The following SND1 variants were observed in gnomAD, a reference collection of about 807,000 sequenced individuals.
SND1 encodes the protein staphylococcal nuclease domain-containing protein 1.
A neutral mutation model predicts 121.7 loss-of-function variants in SND1; 38 were observed. The ratio of observed to expected loss-of-function variants is 0.31; its 90% CI spans 0.24 to 0.41. SND1 has a LOEUF of 0.41. Ranked by LOEUF, SND1 falls within the 10% of genes least tolerant of loss-of-function variation. The pLI, the probability that SND1 is intolerant of heterozygous loss-of-function variation, is 1.00. For synonymous variants in SND1, 401 were observed against 447.4 expected (o/e 0.90, Z 1.31); for missense variants, 868 against 1,184.6 (o/e 0.73, Z 3.92).
intron 15 of SND1, among the ~76,000 whole-genome samples, chr7:127,940,178 C>T (rs1801162729): frequency 6.6e-6 from 1 of 152,120 alleles, no homozygotes; most frequent in Non-Finnish European, 1.5e-5. Context: ...GGGAAACTTC[C>T]AGAAATCTGA....
intron 13 of SND1, among the ~76,000 whole-genome samples, chr7:127,899,644 G>A (rs1800187746): frequency 6.6e-6 from 1 of 152,180 alleles, no homozygotes; most frequent in African/African-American, 2.4e-5. Flanking sequence ...GGTTGTCTTT[G>A]TTTGGAGTAT....
At chr7:127,767,494 C>G (rs1797443216) in intron 10 of SND1, among the ~76,000 whole-genome samples, 1 of 152,134 alleles carries the variant, frequency 6.6e-6, no homozygotes, top group Non-Finnish European at 1.5e-5. Flanking sequence ...TTAAAAGGCT[C>G]CAGCAGGGAG....
chr7:127,882,364 C>CAGGCAGGAAGGG (rs1214478369), intron 12 of SND1, among the ~76,000 whole-genome samples: 2 of 124,858 alleles, frequency 1.6e-5, no homozygotes, highest in Non-Finnish European at 3.3e-5. Context: ...GGAAGGAAGG[C>CAGGCAGGAAGGG]AGGCAGGAAG....
chr7:127,905,100 T>C (rs1264263293), intron 14 of SND1, among the ~76,000 whole-genome samples: 3 of 152,238 alleles, frequency 2.0e-5, no homozygotes, highest in South Asian at 2.1e-4. Context: ...AAGGTAGTTC[T>C]TCTTGGTTGT....
At position 127,698,928 on chromosome 7, in the gene SND1, C is replaced by T. The variant is rs1476510009; in HGVS notation, c.403C>T (p.Arg135Trp). ...ESLVAEGLAT[R>W]REGMRANNPE... ...ACTGGTTGCAGAGGGCTTAGCCACC[C>T]GGAGAGAAGGCATGAGAGCTAATAA... Residue 135 changes from arginine (R) to tryptophan (W), a missense_variant, in exon 4 of 24, where the codon CGG (arginine) becomes TGG (tryptophan). Arg to Trp is a moderately radical substitution (Grantham distance 101). Transcript: ENST00000354725. 3 of 1,613,398 alleles carry T rather than the reference C, an allele frequency of 1.9e-6. No individual in the cohort carries two copies. The highest frequency in any genetic ancestry group is 2.7e-5 in the African/African-American group (2 of 74,860).
At chr7:128,089,776 A>C in intron 22 of SND1, 84 bp downstream of exon 22, 1 of 1,246,954 alleles carries the variant, frequency 8.0e-7, no homozygotes, top group Non-Finnish European at 1.2e-6. Flanking sequence ...GGAAGGGAGC[A>C]GGGAATCCAC....
intron 10 of SND1, among the ~76,000 whole-genome samples, chr7:127,722,307 CTT>C (rs34026000): frequency 1.1e-4 from 15 of 139,270 alleles, no homozygotes; most frequent in African/African-American, 1.1e-4. Context: ...CTACTGCCTG[CTT>C]TTTTTTTTTT....
chr7:128,049,377 T>A (rs1483947332), intron 16 of SND1, among the ~76,000 whole-genome samples: 2 of 152,156 alleles, frequency 1.3e-5, no homozygotes, highest in East Asian at 3.8e-4. Context: ...CTCTCTTAAC[T>A]GCTCTTTCCC....
chr7:127,961,515 G>A (rs1284635759), intron 15 of SND1, among the ~76,000 whole-genome samples: 1 of 152,204 alleles, frequency 6.6e-6, no homozygotes, highest in Non-Finnish European at 1.5e-5. Context: ...AAAAACACGT[G>A]CAAAAGCACT....
intron 9 of SND1, among the ~76,000 whole-genome samples, chr7:127,720,960 A>G (rs1796484570): frequency 6.6e-6 from 1 of 152,132 alleles, no homozygotes; most frequent in Non-Finnish European, 1.5e-5. Flanking sequence ...TTCAAGGAAA[A>G]TCTTCAATTA....
At chr7:127,802,180 A>G (rs756844143) in intron 10 of SND1, among the ~76,000 whole-genome samples, 20 of 152,156 alleles carry the variant, frequency 1.3e-4, no homozygotes, top group Non-Finnish European at 1.9e-4. Context: ...TTCAACTACT[A>G]ATTGCCTACT....
At chr7:127,775,488 A>G (rs754945955) in intron 10 of SND1, among the ~76,000 whole-genome samples, 7 of 152,186 alleles carry the variant, frequency 4.6e-5, no homozygotes, top group Non-Finnish European at 1.0e-4. Context: ...ACTGCTTTGA[A>G]TGTTTCAATA....
chr7:128,053,871 G>A (rs1208948186), intron 16 of SND1, among the ~76,000 whole-genome samples: 1 of 152,202 alleles, frequency 6.6e-6, no homozygotes, highest in Non-Finnish European at 1.5e-5. Context: ...ACTCCGGCAG[G>A]CTGAGCTTTT....
At chr7:127,676,849 C>T (rs1043583161) in intron 1 of SND1, among the ~76,000 whole-genome samples, 5 of 152,230 alleles carry the variant, frequency 3.3e-5, no homozygotes, top group Non-Finnish European at 7.3e-5. Context: ...TCAAGCGATT[C>T]TCCTGCCTCA....
chr7:127,871,525 T>A (rs1190750898), intron 12 of SND1, among the ~76,000 whole-genome samples: 2 of 152,194 alleles, frequency 1.3e-5, no homozygotes, highest in African/African-American at 2.4e-5. Context: ...ATGTGCTCCA[T>A]CATTGACCAA....
At chr7:127,945,023 A>C (rs932633038) in intron 15 of SND1, among the ~76,000 whole-genome samples, 4 of 151,980 alleles carry the variant, frequency 2.6e-5, no homozygotes. Context: ...CTCTGACATC[A>C]CTGTTTCATC....
At chr7:127,946,464 A>C (rs1180137851) in intron 15 of SND1, among the ~76,000 whole-genome samples, 1 of 152,204 alleles carries the variant, frequency 6.6e-6, no homozygotes, top group Non-Finnish European at 1.5e-5. Context: ...GTGATACTTA[A>C]GTGTATAGCT....
intron 16 of SND1, among the ~76,000 whole-genome samples, chr7:128,004,975 T>C (rs1011989450): frequency 1.3e-5 from 2 of 152,240 alleles, no homozygotes; most frequent in Non-Finnish European, 1.5e-5. Context: ...CGAAGCAAGA[T>C]AGCTTTGCCT....
intron 9 of SND1, among the ~76,000 whole-genome samples, chr7:127,714,124 G>T (rs755335450): frequency 4.1e-4 from 63 of 152,154 alleles, no homozygotes; most frequent in Non-Finnish European, 7.6e-4. Context: ...TCCTCAAGAG[G>T]TGTCTCCTTA....
Sources: allele counts gnomAD v4.1 joint callset (sites outside exome capture counted in the v4.1 genomes callset), GRCh38; gene constraint gnomAD v4.1.1; transcripts MANE v1.5; gene names NCBI Gene and HGNC (gene_info 2026-07-23, HGNC 2026-07-21).